Variants in TMEM132D observed in about 807,000 individuals in gnomAD.
TMEM132D encodes transmembrane protein 132D.
TMEM132D carries 21 observed loss-of-function variants against 62.3 expected under a neutral mutation model. That is an observed-to-expected ratio of 0.34 (90% CI 0.24 to 0.49). The LOEUF (loss-of-function observed/expected upper bound fraction) is 0.49, where lower values mean the gene tolerates loss of function less well. TMEM132D is among the 20% of genes least tolerant of loss of function. TMEM132D has a pLI of 0.99. For missense variants in TMEM132D, 1,346 were observed against 1,402.8 expected, an observed-to-expected ratio of 0.96 and a Z score of 0.65; for synonymous variants, 621 against 575.6, an observed-to-expected ratio of 1.08 and a Z score of -1.13.
intron 5 of TMEM132D, among the ~76,000 whole-genome samples, chr12:129,164,089 C>G (rs769085920): frequency 9.2e-5 from 14 of 152,116 alleles, no homozygotes; most frequent in South Asian, 2.1e-4. Context: ...GTATGCAGCT[C>G]GATTTATATG....
intron 1 of TMEM132D, among the ~76,000 whole-genome samples, chr12:129,893,279 G>T (rs951190565): frequency 6.6e-6 from 1 of 152,158 alleles, no homozygotes; most frequent in African/African-American, 2.4e-5. Flanking sequence ...TGGTGGTGAG[G>T]ATTTCATGAG....
chr12:129,758,213 TTTTA>T (rs1350362518), intron 1 of TMEM132D, among the ~76,000 whole-genome samples: 1 of 152,068 alleles, frequency 6.6e-6, no homozygotes, highest in Non-Finnish European at 1.5e-5. Flanking sequence ...CCCACTTTTA[TTTTA>T]TTTTTTTTAA....
chr12:129,796,431 T>G (rs998132600), intron 1 of TMEM132D, among the ~76,000 whole-genome samples: 1 of 152,206 alleles, frequency 6.6e-6, no homozygotes, highest in Admixed American at 6.5e-5. Flanking sequence ...TTTCTTAATT[T>G]ATGTGTGTTT....
At chr12:129,135,654 G>GTT (rs34970458) in intron 5 of TMEM132D, among the ~76,000 whole-genome samples, 27 of 151,550 alleles carry the variant, frequency 1.8e-4, no homozygotes, top group African/African-American at 3.6e-4. Flanking sequence ...AGAACAAATA[G>GTT]TTTTTTTTTG....
At chr12:129,378,813 T>G (rs967242434) in intron 3 of TMEM132D, among the ~76,000 whole-genome samples, 1 of 152,192 alleles carries the variant, frequency 6.6e-6, no homozygotes, top group African/African-American at 2.4e-5. Flanking sequence ...TTAGATTCCA[T>G]TGGAAAGTTC....
chr12:129,241,991 T>C (rs1165049352), intron 4 of TMEM132D, among the ~76,000 whole-genome samples: 1 of 152,188 alleles, frequency 6.6e-6, no homozygotes, highest in East Asian at 1.9e-4. Context: ...GGCTCTTCTG[T>C]GTGTGAGAGC....
chr12:129,268,992 G>C (rs2135599655), intron 4 of TMEM132D, among the ~76,000 whole-genome samples: 1 of 143,210 alleles, frequency 7.0e-6, no homozygotes, highest in Admixed American at 7.2e-5. Context: ...ACATAGGAAG[G>C]GGAACATCAC....
At chr12:129,075,680 G>A (rs756332850) in intron 8 of TMEM132D, among the ~76,000 whole-genome samples, 1 of 152,182 alleles carries the variant, frequency 6.6e-6, no homozygotes. Context: ...CTGACAGCAG[G>A]AGAGGGAGAA....
At chr12:129,435,745 T>C (rs1202090277) in intron 3 of TMEM132D, among the ~76,000 whole-genome samples, 1 of 152,218 alleles carries the variant, frequency 6.6e-6, no homozygotes, top group Non-Finnish European at 1.5e-5. Flanking sequence ...TGATATTTGT[T>C]GCTTGTACTT....
rs1349444508 is a variant in TMEM132D, at chr12:129,600,991, TCTC to T, written c.969-69789_969-69787del. ...TGTCCTTTGAAGCCAGAAACTGACT[TCTC>T]CTCTCTAGCTATGAAAGTCCTAGAA... is the stretch of plus-strand genomic sequence containing the variant. On this transcript the variant is annotated intron_variant, in intron 2 of 8. Coordinates refer to ENST00000422113, the MANE Select transcript of TMEM132D (RefSeq NM_133448.3). Among the ~76,000 whole-genome samples, 6 of 152,248 alleles carry T rather than the reference TCTC, an allele frequency of 3.9e-5. 1 individual carries two copies. The highest frequency in any genetic ancestry group is 1.4e-4 in the African/African-American group (6 of 41,548).
At chr12:129,851,532 T>G (rs1593186227) in intron 1 of TMEM132D, among the ~76,000 whole-genome samples, 1 of 152,328 alleles carries the variant, frequency 6.6e-6, no homozygotes, top group East Asian at 1.9e-4. Flanking sequence ...CACAAGAATG[T>G]TTACTGCAGC....
intron 1 of TMEM132D, among the ~76,000 whole-genome samples, chr12:129,841,601 T>A (rs1873195951): frequency 6.6e-6 from 1 of 152,210 alleles, no homozygotes. Flanking sequence ...ATTTAAACTC[T>A]TTCTTAAACT....
At position 129,859,836 on chromosome 12, in the gene TMEM132D, C is replaced by G. The variant is rs541667292; in HGVS notation, c.79+43425G>C. Among the ~76,000 whole-genome samples, 4 of 152,252 alleles carry G rather than the reference C, an allele frequency of 2.6e-5. No individual in the cohort carries two copies. The South Asian group carries it at 8.3e-4, about 32-fold the overall frequency. On this transcript the variant is annotated intron_variant, in intron 1 of 8. Coordinates refer to ENST00000422113, the MANE Select transcript of TMEM132D (RefSeq NM_133448.3). ...TGATTGGTGGTTGCACTGTCGGCCTCCCTGCTTTTAAGGTTTTGTGATCAG... is the reference window on the plus strand; with the variant it reads ...TGATTGGTGGTTGCACTGTCGGCCTGCCTGCTTTTAAGGTTTTGTGATCAG...
chr12:129,480,861 C>T (rs1217695186), intron 3 of TMEM132D, among the ~76,000 whole-genome samples: 1 of 152,158 alleles, frequency 6.6e-6, no homozygotes, highest in Non-Finnish European at 1.5e-5. Flanking sequence ...GAACAATTCT[C>T]ACAGAGGACC....
chr12:129,246,906 A>T lies in TMEM132D; in HGVS notation c.1300-37243T>A, dbSNP rs80178552. ...TTATTCTTCAGCAATATGCTAGTTG[A>T]GTTCATTTACTGGAAATGAAGGGCC... On this transcript the variant is annotated intron_variant, in intron 4 of 8. Transcript: ENST00000422113. Among the ~76,000 whole-genome samples the T allele has an allele frequency of 1.8e-4, 27 of 152,322 alleles. No individual in the cohort carries two copies. In the East Asian group the frequency reaches 5.0e-3, roughly 28 times the overall value.
intron 3 of TMEM132D, among the ~76,000 whole-genome samples, chr12:129,505,560 T>G: frequency 6.6e-6 from 1 of 152,158 alleles, no homozygotes; most frequent in East Asian, 1.9e-4. Context: ...AGGTATAGTT[T>G]AAGTCCATTG....
chr12:129,365,673 C>T (rs911821925), intron 3 of TMEM132D, among the ~76,000 whole-genome samples: 1 of 152,110 alleles, frequency 6.6e-6, no homozygotes, highest in South Asian at 2.1e-4. Context: ...GCAAGAACTG[C>T]GTGTAAGAGG....
At chr12:129,109,911 G>T (rs59383898) in intron 5 of TMEM132D, 6,709 of 153,076 alleles carry the variant, frequency 0.044, 506 homozygotes, top group African/African-American at 0.15. Flanking sequence ...GAATGCTGTT[G>T]AAATGTCCCT....
intron 3 of TMEM132D, among the ~76,000 whole-genome samples, chr12:129,386,329 A>G (rs981453395): frequency 1.3e-5 from 2 of 152,204 alleles, no homozygotes; most frequent in African/African-American, 4.8e-5. Flanking sequence ...CACTAAAACC[A>G]ATGCTAAAAC....
Sources: allele counts gnomAD v4.1 joint callset (sites outside exome capture counted in the v4.1 genomes callset), GRCh38; gene constraint gnomAD v4.1.1; transcripts MANE v1.5; gene names NCBI Gene and HGNC (gene_info 2026-07-23, HGNC 2026-07-21).